The following PLA2G4C variants were observed in gnomAD, a reference collection of about 807,000 sequenced individuals.
The protein encoded by PLA2G4C is phospholipase A2 group IVC.
PLA2G4C carries 64 observed loss-of-function variants against 73.8 expected under a neutral mutation model. The ratio of observed to expected loss-of-function variants is 0.87; its 90% confidence interval spans 0.71 to 1.07. The LOEUF (loss-of-function observed/expected upper bound fraction) is 1.07, where lower values mean the gene tolerates loss of function less well. PLA2G4C is among the 50% of genes least tolerant of loss of function. PLA2G4C has a pLI of 0.00. For missense variants in PLA2G4C, 622 were observed against 665.4 expected (o/e 0.93, Z 0.72); for synonymous variants, 254 against 252.1 (o/e 1.01, Z -0.07).
At chr19:48,076,721 T>G (rs2030182397) in intron 11 of PLA2G4C, among the ~76,000 whole-genome samples, 1 of 146,620 alleles carries the variant, frequency 6.8e-6, no homozygotes, top group Non-Finnish European at 1.5e-5. Flanking sequence ...CTAGCCTGGG[T>G]GACACGGCTA....
At chr19:48,090,612 A>G (rs1006692668) in intron 7 of PLA2G4C, 195 bp from the exon 8 acceptor site, 1 of 595,992 alleles carries the variant, frequency 1.7e-6, no homozygotes, top group Non-Finnish European at 3.0e-6. Flanking sequence ...GGAATAGAGC[A>G]GTAAACAAGA....
chr19:48,095,778 G>A (rs1056639821), intron 6 of PLA2G4C, among the ~76,000 whole-genome samples, 174 bp from the exon 7 acceptor site: 4 of 152,144 alleles, frequency 2.6e-5, no homozygotes, highest in Non-Finnish European at 5.9e-5. Flanking sequence ...CTGAGTCTAC[G>A]CTGCTGGTGG....
intron 10 of PLA2G4C, among the ~76,000 whole-genome samples, chr19:48,084,163 G>A (rs1009825021): frequency 2.0e-5 from 3 of 151,660 alleles, no homozygotes; most frequent in South Asian, 2.1e-4. Context: ...GGTTTCAAGC[G>A]ATTCTTGTGC....
chr19:48,056,353 AC>A (rs1283340574), intron 14 of PLA2G4C, among the ~76,000 whole-genome samples: 8 of 151,888 alleles, frequency 5.3e-5, no homozygotes, highest in Admixed American at 5.2e-4. Context: ...TTTGAGACCA[AC>A]CTGGCCAACA....
chr19:48,053,364 CT>C lies in PLA2G4C; in HGVS notation c.1430-218del, dbSNP rs1174332835. 7.7e-3 allele frequency among the ~76,000 whole-genome samples: 777 copies of C among 100,582 alleles called. 1 individual carries two copies. Among genetic ancestry groups the C allele is most frequent in the African/African-American group, 0.02 (513 of 25,332 alleles). 66.0% of individuals were successfully genotyped at this position (100,582 alleles called of 152,430 possible). A position where few individuals can be genotyped will look rare whatever the true frequency, so the allele number is the denominator to read the frequency against. On this transcript the variant is annotated intron_variant, in intron 15 of 16. Transcript: ENST00000599921. ...TCCATGCCCCTTCCGGTCCTTTTTT[CT>C]TTTTTTTTTTTTTTTTTTTTTGAGA...
At chr19:48,093,697 C>T (rs866837418) in intron 7 of PLA2G4C, among the ~76,000 whole-genome samples, 1 of 152,142 alleles carries the variant, frequency 6.6e-6, no homozygotes, top group Non-Finnish European at 1.5e-5. Flanking sequence ...GTAAGACAAA[C>T]TTGGTCCTGG....
At chr19:48,060,524 G>A (rs1049241922) in intron 14 of PLA2G4C, among the ~76,000 whole-genome samples, 12 of 152,090 alleles carry the variant, frequency 7.9e-5, no homozygotes, top group African/African-American at 2.9e-4. Flanking sequence ...ACCAGCTATG[G>A]ACCAGGCATG....
At chr19:48,070,807 T>G (rs1968627499) in intron 12 of PLA2G4C, among the ~76,000 whole-genome samples, 1 of 152,120 alleles carries the variant, frequency 6.6e-6, no homozygotes, top group Non-Finnish European at 1.5e-5. Context: ...AATATCTAGG[T>G]GATGGGTTGA....
chr19:48,110,736 C>T lies in PLA2G4C; in HGVS notation c.-282G>A, dbSNP rs1344746581. 1 of 419,008 alleles carries T rather than the reference C, an allele frequency of 2.4e-6. No individual in the cohort carries two copies. Among genetic ancestry groups the T allele is most frequent in the South Asian group, 4.2e-5 (1 of 23,696 alleles). 26.0% of individuals were successfully genotyped at this position (419,008 alleles called of 1,614,324 possible). On this transcript the variant is annotated 5_prime_UTR_variant, in exon 1 of 17. Transcript: ENST00000599921. ...CCTCCTGGTCCTGAGCAGGGCCAAC[C>T]TGGAGGTAAAATGGCCCCTGCGCCT... is the stretch of plus-strand genomic sequence containing the variant.
At chr19:48,101,221 C>A (rs901640284) in intron 4 of PLA2G4C, among the ~76,000 whole-genome samples, 12 of 150,012 alleles carry the variant, frequency 8.0e-5, no homozygotes, top group Non-Finnish European at 1.5e-4. Context: ...AACCCCCAGG[C>A]TCAAATGATC....
At chr19:48,055,457 C>G (rs11564642) in intron 14 of PLA2G4C, among the ~76,000 whole-genome samples, 1,547 of 149,988 alleles carry the variant, frequency 0.01, 32 homozygotes, top group African/African-American at 0.035. Flanking sequence ...CCTAGCTACT[C>G]AGGAAGCTGA....
At chr19:48,102,216 C>T (rs1057463106) in intron 4 of PLA2G4C, among the ~76,000 whole-genome samples, 4 of 151,944 alleles carry the variant, frequency 2.6e-5, no homozygotes, top group African/African-American at 9.7e-5. Flanking sequence ...ATGGGCCGGA[C>T]ATGGTGGCTT....
chr19:48,106,744 C>A lies in PLA2G4C; in HGVS notation c.-32-183G>T, dbSNP rs1382722981. ...TTTAATAATCTCAGGGGCGGCCAAG[C>A]GAGGAGAATGGGAGAAATATTTCAA... On this transcript the variant is annotated intron_variant, in intron 1 of 16. Coordinates refer to ENST00000599921, the MANE Select transcript of PLA2G4C (RefSeq NM_003706.3). The A allele has an allele frequency of 5.4e-6, 3 of 559,026 alleles. No individual in the cohort carries two copies. In the Admixed American group the frequency reaches 9.4e-5, roughly 18 times the overall value. 34.6% of individuals were successfully genotyped at this position (559,026 alleles called of 1,614,324 possible).
intron 6 of PLA2G4C, among the ~76,000 whole-genome samples, chr19:48,096,265 A>C (rs1278954060): frequency 6.6e-6 from 1 of 151,924 alleles, no homozygotes; most frequent in Non-Finnish European, 1.5e-5. Flanking sequence ...AAAACAGCAC[A>C]AGGATCCACA....
At chr19:48,074,042 A>T (rs180732119) in intron 12 of PLA2G4C, among the ~76,000 whole-genome samples, 16 of 152,058 alleles carry the variant, frequency 1.1e-4, no homozygotes, top group Non-Finnish European at 2.1e-4. Context: ...ACACAGGTAA[A>T]CATGTGCCAT....
intron 7 of PLA2G4C, among the ~76,000 whole-genome samples, chr19:48,093,443 C>T (rs2031411860): frequency 6.6e-6 from 1 of 152,162 alleles, no homozygotes; most frequent in Non-Finnish European, 1.5e-5. Flanking sequence ...AGTTTACACA[C>T]CCACCCCTAA....
At chr19:48,077,021 C>T (rs2030210208) in intron 11 of PLA2G4C, among the ~76,000 whole-genome samples, 2 of 152,162 alleles carry the variant, frequency 1.3e-5, no homozygotes, top group South Asian at 4.1e-4. Context: ...CTCCGTACTC[C>T]CACCATGGGT....
chr19:48,105,583 A>T, intron 2 of PLA2G4C, 139 bp from the exon 3 acceptor site: 1 of 631,578 alleles, frequency 1.6e-6, no homozygotes, highest in Non-Finnish European at 2.8e-6. Flanking sequence ...GGGTGAGGAA[A>T]ATATTCTGAA....
chr19:48,067,752 C>T (rs1968492742), intron 13 of PLA2G4C, 39 bp downstream of exon 13: 1 of 1,359,116 alleles, frequency 7.4e-7, no homozygotes, highest in Non-Finnish European at 1.1e-6. Flanking sequence ...CATTCACACG[C>T]AAGGACAGAC....
Sources: allele counts gnomAD v4.1 joint callset (sites outside exome capture counted in the v4.1 genomes callset), GRCh38; gene constraint gnomAD v4.1.1; transcripts MANE v1.5; gene names NCBI Gene and HGNC (gene_info 2026-07-23, HGNC 2026-07-21).